LCMT1: variants seen among roughly 807,000 people sequenced by gnomAD.
LCMT1 encodes [Phosphatase 2A protein]-leucine-carboxy methyltransferase 1.
LCMT1 carries 32 observed loss-of-function variants against 47.7 expected under a neutral mutation model. The observed-to-expected ratio is 0.67, with a 90% confidence interval of 0.51 to 0.90. The LOEUF (loss-of-function observed/expected upper bound fraction) is 0.90. LCMT1 is among the 40% of genes least tolerant of loss of function. The pLI, the probability that LCMT1 is intolerant of heterozygous loss-of-function variation, is 0.00. For synonymous variants in LCMT1, 152 were observed against 149.7 expected (o/e 1.02, Z -0.11); for missense variants, 375 against 415.2 (o/e 0.90, Z 0.84).
chr16:25,118,444 A>G (rs543038091), intron 1 of LCMT1, among the ~76,000 whole-genome samples: 33 of 152,238 alleles, frequency 2.2e-4, no homozygotes, highest in African/African-American at 7.9e-4. Flanking sequence ...TGCTTCGGTT[A>G]TGGAGGTGCT....
chr16:25,132,531 C>T lies in LCMT1; in HGVS notation c.327+8C>T. The T allele has an allele frequency of 6.2e-7, 1 of 1,612,750 alleles. No individual in the cohort carries two copies. The highest frequency in any genetic ancestry group is 8.5e-7 in the Non-Finnish European group (1 of 1,179,358). On this transcript the variant is annotated splice_region_variant and intron_variant, in intron 3 of 10. Coordinates refer to ENST00000399069, the MANE Select transcript of LCMT1 (RefSeq NM_016309.3). Reference sequence around the variant, plus strand: ...ACCTTCTGGAGATTAAAGGTATGTTCAAATTCCCCTCCTCCCTCCCCAAGT... The same window carrying T: ...ACCTTCTGGAGATTAAAGGTATGTTTAAATTCCCCTCCTCCCTCCCCAAGT...
chr16:25,163,467 CAAAAAAAAAAA>C (rs11318381), intron 6 of LCMT1, among the ~76,000 whole-genome samples: 1 of 97,512 alleles, frequency 1.0e-5, no homozygotes, highest in Non-Finnish European at 2.1e-5. Flanking sequence ...GACTCTGTCT[CAAAAAAAAAAA>C]AAAAAAAAGA....
At chr16:25,177,925 C>T in intron 10 of LCMT1, 76 bp from the exon 11 acceptor site, 2 of 1,324,364 alleles carry the variant, frequency 1.5e-6, no homozygotes, top group Non-Finnish European at 2.2e-6. Flanking sequence ...CTGAGCCGGT[C>T]ACTGGGGGTC....
chr16:25,174,752 T>C (rs1032604587), intron 9 of LCMT1, 185 bp from the exon 10 acceptor site: 1 of 372,568 alleles, frequency 2.7e-6, no homozygotes, highest in East Asian at 4.1e-5. Context: ...TGACTTTGTT[T>C]ATGGTATTTT....
In LCMT1 at chr16:25,132,570, T is replaced by G. The variant is rs537035417; in HGVS notation, c.327+47T>G. On this transcript the variant is annotated intron_variant, in intron 3 of 10. Coordinates refer to ENST00000399069, the MANE Select transcript of LCMT1 (RefSeq NM_016309.3). ...CCCTCCCCAAGTGTTTAGATTTTTT[T>G]CGTTAGATTTTCACCTAATTCGAAA... 2.6e-5 allele frequency: 41 copies of G among 1,594,026 alleles called. 1 individual carries two copies. The South Asian group carries it at 4.3e-4, about 17-fold the overall frequency.
chr16:25,149,690 G>A (rs1336003230), intron 4 of LCMT1, among the ~76,000 whole-genome samples: 1 of 152,164 alleles, frequency 6.6e-6, no homozygotes, highest in Non-Finnish European at 1.5e-5. Context: ...AAGGCTGGTG[G>A]ATTGCTTGAG....
intron 7 of LCMT1, among the ~76,000 whole-genome samples, chr16:25,167,038 A>C (rs1182331395): frequency 6.6e-6 from 1 of 152,162 alleles, no homozygotes; most frequent in Non-Finnish European, 1.5e-5. Flanking sequence ...TCTTTTGTTG[A>C]ACAAGTGTTT....
intron 3 of LCMT1, among the ~76,000 whole-genome samples, chr16:25,136,131 G>C (rs1276623955): frequency 1.3e-5 from 2 of 150,918 alleles, no homozygotes; most frequent in Admixed American, 6.6e-5. Flanking sequence ...TAATGGGTGA[G>C]TGAAACCCTT....
intron 2 of LCMT1, 113 bp downstream of exon 2, chr16:25,128,679 T>C (rs1401482224): frequency 1.3e-6 from 1 of 749,790 alleles, no homozygotes; most frequent in East Asian, 2.7e-5. Flanking sequence ...GCAAAAGTGC[T>C]TATTTCCCCA....
At chr16:25,118,863 C>T (rs1959881473) in intron 1 of LCMT1, among the ~76,000 whole-genome samples, 2 of 151,940 alleles carry the variant, frequency 1.3e-5, no homozygotes, top group Admixed American at 1.3e-4. Context: ...GAGGCGGGGG[C>T]AGATGCTGCA....
intron 9 of LCMT1, among the ~76,000 whole-genome samples, chr16:25,171,931 G>A (rs1481460183): frequency 2.0e-5 from 3 of 152,116 alleles, no homozygotes; most frequent in African/African-American, 7.2e-5. Flanking sequence ...ATACTGGTCT[G>A]TAAACCACCA....
At chr16:25,167,083 A>T (rs980170189) in intron 7 of LCMT1, among the ~76,000 whole-genome samples, 1 of 152,188 alleles carries the variant, frequency 6.6e-6, no homozygotes, top group African/African-American at 2.4e-5. Flanking sequence ...GGATTCAGTG[A>T]ATTCTGACCA....
chr16:25,175,104 T>C, intron 10 of LCMT1, 70 bp downstream of exon 10: 1 of 822,664 alleles, frequency 1.2e-6, no homozygotes, highest in Admixed American at 2.4e-5. Context: ...TCTTTCCCTT[T>C]CTCTTTCTGT....
chr16:25,127,700 A>G (rs1267858459), intron 1 of LCMT1, among the ~76,000 whole-genome samples: 1 of 152,194 alleles, frequency 6.6e-6, no homozygotes, highest in Non-Finnish European at 1.5e-5. Context: ...AATTGGCTAA[A>G]AGGGTGAAGG....
At chr16:25,152,451 T>C (rs1490541222) in intron 5 of LCMT1, among the ~76,000 whole-genome samples, 2 of 152,198 alleles carry the variant, frequency 1.3e-5, no homozygotes. Flanking sequence ...CTTTTGCCGA[T>C]ACATTTAAAC....
chr16:25,136,747 C>A (rs1256249332), intron 3 of LCMT1, among the ~76,000 whole-genome samples: 1 of 151,948 alleles, frequency 6.6e-6, no homozygotes, highest in East Asian at 1.9e-4. Context: ...CCATGTTGGC[C>A]GGGCTGGTCT....
chr16:25,160,801 A>G (rs1961404135), intron 5 of LCMT1: 1 of 566,950 alleles, frequency 1.8e-6, no homozygotes, highest in Non-Finnish European at 3.4e-6. Context: ...GGGTGGTCCC[A>G]TTTTCTTTTC....
At chr16:25,169,303 G>A in intron 8 of LCMT1, 90 bp downstream of exon 8, 1 of 856,560 alleles carries the variant, frequency 1.2e-6, no homozygotes, top group Non-Finnish European at 2.0e-6. Context: ...TCATGGAGAA[G>A]CCCTGTTCAG....
At chr16:25,117,459 C>T (rs1249668279) in intron 1 of LCMT1, among the ~76,000 whole-genome samples, 1 of 152,170 alleles carries the variant, frequency 6.6e-6, no homozygotes, top group East Asian at 1.9e-4. Context: ...CCCAGTATTA[C>T]CTCCAGTTCA....
Sources: allele counts gnomAD v4.1 joint callset (sites outside exome capture counted in the v4.1 genomes callset), GRCh38; gene constraint gnomAD v4.1.1; transcripts MANE v1.5; gene names NCBI Gene and HGNC (gene_info 2026-07-23, HGNC 2026-07-21).